Variants in WWOX observed in about 807,000 individuals in gnomAD.
WWOX encodes WW domain containing oxidoreductase.
A neutral mutation model predicts 46.2 loss-of-function variants in WWOX; 69 were observed. That is an observed-to-expected ratio of 1.49 (90% CI 1.23 to 1.82). WWOX has a LOEUF of 1.82. WWOX is among the 40% of genes most tolerant of loss of function. The pLI is 0.00. For missense variants in WWOX, 919 were observed against 542.6 expected (o/e 1.69, Z -6.89); for synonymous variants, 359 against 202.6 (o/e 1.77, Z -6.56).
intron 8 of WWOX, among the ~76,000 whole-genome samples, chr16:78,980,086 C>G (rs1186819231): frequency 1.3e-5 from 2 of 152,208 alleles, no homozygotes; most frequent in African/African-American, 2.4e-5. Flanking sequence ...TGAGATTGCA[C>G]CACTGCACTG....
intron 8 of WWOX, among the ~76,000 whole-genome samples, chr16:79,155,348 C>G (rs962810906): frequency 2.6e-5 from 4 of 151,992 alleles, no homozygotes; most frequent in African/African-American, 9.7e-5. Flanking sequence ...TGCACTCCAG[C>G]CTGGCGACAG....
chr16:78,862,858 C>G (rs191207078), intron 8 of WWOX, among the ~76,000 whole-genome samples: 3 of 152,190 alleles, frequency 2.0e-5, no homozygotes, highest in African/African-American at 7.2e-5. Context: ...CCAGAAACGC[C>G]TTCATGGACA....
intron 5 of WWOX, among the ~76,000 whole-genome samples, chr16:78,313,398 C>T (rs1454487035): frequency 6.6e-6 from 1 of 152,172 alleles, no homozygotes; most frequent in African/African-American, 2.4e-5. Context: ...TGGAGTTTCA[C>T]TCTTGTTGCC....
At chr16:78,629,509 C>A (rs1322495505) in intron 8 of WWOX, among the ~76,000 whole-genome samples, 2 of 152,200 alleles carry the variant, frequency 1.3e-5, no homozygotes, top group African/African-American at 4.8e-5. Context: ...CCACTCCCTG[C>A]TTAATCCCTT....
At chr16:78,840,226 C>G (rs1022203084) in intron 8 of WWOX, among the ~76,000 whole-genome samples, 9 of 152,152 alleles carry the variant, frequency 5.9e-5, no homozygotes, top group African/African-American at 1.2e-4. Flanking sequence ...ATCACTAATC[C>G]TAACTGTGCA....
At chr16:79,086,324 A>G (rs2048853139) in intron 8 of WWOX, among the ~76,000 whole-genome samples, 1 of 152,194 alleles carries the variant, frequency 6.6e-6, no homozygotes, top group African/African-American at 2.4e-5. Flanking sequence ...TATTATTTTA[A>G]TTTGATTGAT....
chr16:78,637,483 A>G (rs535911502), intron 8 of WWOX, among the ~76,000 whole-genome samples: 1 of 152,084 alleles, frequency 6.6e-6, no homozygotes, highest in East Asian at 1.9e-4. Context: ...GTTACAGATG[A>G]GGCTTTTAAA....
intron 5 of WWOX, among the ~76,000 whole-genome samples, chr16:78,177,838 G>A (rs896529968): frequency 2.0e-5 from 3 of 152,186 alleles, no homozygotes; most frequent in East Asian, 1.9e-4. Flanking sequence ...GGTCCTGGGC[G>A]CAAAGAGCAG....
At chr16:78,557,689 A>ATTTTTTTTTTT (rs34068363) in intron 8 of WWOX, among the ~76,000 whole-genome samples, 1,972 of 96,554 alleles carry the variant, frequency 0.02, 260 homozygotes, top group African/African-American at 0.055. Context: ...CTAGGGAAGG[A>ATTTTTTTTTTT]TTTTTTTTTT....
At chr16:78,728,116 G>C (rs1235196210) in intron 8 of WWOX, among the ~76,000 whole-genome samples, 2 of 132,624 alleles carry the variant, frequency 1.5e-5, no homozygotes, top group Non-Finnish European at 3.1e-5. Context: ...CCAAGCTGGA[G>C]TGCAGTGGCC....
chr16:79,129,397 A>C (rs905243789), intron 8 of WWOX, among the ~76,000 whole-genome samples: 39 of 146,814 alleles, frequency 2.7e-4, no homozygotes, highest in Non-Finnish European at 4.2e-4. Flanking sequence ...TCTCGTATGG[A>C]ACGATCTTGA....
intron 5 of WWOX, among the ~76,000 whole-genome samples, chr16:78,285,294 C>A (rs560651574): frequency 1.3e-5 from 2 of 152,042 alleles, no homozygotes; most frequent in South Asian, 2.1e-4. Context: ...ACAAAATTAA[C>A]CGGGCTGGGT....
In WWOX at chr16:78,768,871, C is replaced by T. The variant is rs921990637; in HGVS notation, c.1056+336119C>T. Among the ~76,000 whole-genome samples, 5 of 152,240 alleles carry T rather than the reference C, an allele frequency of 3.3e-5. No homozygotes were observed. In the South Asian group the frequency reaches 8.3e-4, roughly 25 times the overall value. ...AGTCAAAGAGAAAGGAGAGCATGAC[C>T]CGCCAATGCCGTTGTTTGTAAGCAG... On this transcript the variant is annotated intron_variant, in intron 8 of 8. Coordinates refer to ENST00000566780, the MANE Select transcript of WWOX (RefSeq NM_016373.4).
intron 8 of WWOX, among the ~76,000 whole-genome samples, chr16:78,440,305 C>A (rs1265612088): frequency 6.6e-6 from 1 of 152,194 alleles, no homozygotes. Flanking sequence ...CAAGCCACTT[C>A]TGGCTCCATG....
At chr16:78,998,491 A>C (rs2047033057) in intron 8 of WWOX, among the ~76,000 whole-genome samples, 2 of 152,202 alleles carry the variant, frequency 1.3e-5, no homozygotes, top group Non-Finnish European at 2.9e-5. Flanking sequence ...AGAAATAGAA[A>C]CAGAGGGGAT....
At chr16:78,661,666 C>T (rs1299246714) in intron 8 of WWOX, among the ~76,000 whole-genome samples, 1 of 150,636 alleles carries the variant, frequency 6.6e-6, no homozygotes, top group South Asian at 2.1e-4. Flanking sequence ...GGTGGGGGCT[C>T]TGTGCATGGA....
At chr16:79,158,966 C>T (rs1021323858) in intron 8 of WWOX, among the ~76,000 whole-genome samples, 1 of 152,172 alleles carries the variant, frequency 6.6e-6, no homozygotes, top group African/African-American at 2.4e-5. Flanking sequence ...GATGAAAGAA[C>T]AGTGTAAAAA....
chr16:79,172,890 G>A (rs2050728195), intron 8 of WWOX, among the ~76,000 whole-genome samples: 1 of 151,568 alleles, frequency 6.6e-6, no homozygotes, highest in African/African-American at 2.4e-5. Flanking sequence ...GTGTAGTGGT[G>A]TGCGCCTGTA....
At chr16:78,402,677 C>T (rs1013515418) in intron 6 of WWOX, among the ~76,000 whole-genome samples, 3 of 152,126 alleles carry the variant, frequency 2.0e-5, no homozygotes, top group African/African-American at 4.8e-5. Flanking sequence ...ACGATCAAAG[C>T]CAACAAGAGA....
Sources: gnomAD v4.1 joint callset for allele counts (sites outside exome capture counted in the v4.1 genomes callset) on GRCh38, gnomAD v4.1.1 for gene constraint, MANE v1.5 for transcripts, NCBI Gene and HGNC (gene_info 2026-07-23, HGNC 2026-07-21) for gene names.